NMU: variants seen among roughly 807,000 people sequenced by gnomAD.
NMU encodes neuromedin U, also known as neuromedin-U.
In NMU, 29 loss-of-function variants were observed where a neutral mutation model predicts 35.4. The ratio of observed to expected loss-of-function variants is 0.82; its 90% CI spans 0.61 to 1.12. The LOEUF is 1.12. Among genes scored for constraint, NMU ranks in the 50% most tolerant of loss-of-function variants. NMU has a pLI of 0.00. For synonymous variants in NMU, 78 were observed against 81.3 expected (o/e 0.96, Z 0.22); for missense variants, 199 against 206.2 (o/e 0.97, Z 0.21).
At chr4:55,622,107 C>A (rs1734373101) in intron 2 of NMU, among the ~76,000 whole-genome samples, 1 of 83,360 alleles carries the variant, frequency 1.2e-5, no homozygotes. Flanking sequence ...ATTAAAAGAA[C>A]TAGAAAAGCA....
chr4:55,605,222 A>G lies in NMU; in HGVS notation c.435+53T>C. On this transcript the variant is annotated intron_variant, in intron 7 of 9. Coordinates refer to ENST00000264218, the MANE Select transcript of NMU (RefSeq NM_006681.4). The stretch of plus-strand genomic sequence containing the variant: ...ACTACCACAGCTGGGAATTAACAGA[A>G]AGGGCTGCCCCACACGGAATGGCAA... 4 of 1,208,014 alleles carry G rather than the reference A, an allele frequency of 3.3e-6. No homozygotes were observed. The South Asian group carries it at 4.8e-5, about 15-fold the overall frequency. The allele number at this position is 1,208,014 out of a possible 1,614,324, so 74.8% of individuals were successfully genotyped here.
intron 7 of NMU, among the ~76,000 whole-genome samples, chr4:55,602,559 G>A (rs959731169): frequency 6.6e-6 from 1 of 152,156 alleles, no homozygotes; most frequent in African/African-American, 2.4e-5. Context: ...CTGAAATAAT[G>A]TAGTCACACT....
chr4:55,602,027 T>A (rs577678082), intron 7 of NMU, among the ~76,000 whole-genome samples: 4 of 151,950 alleles, frequency 2.6e-5, no homozygotes, highest in South Asian at 2.1e-4. Context: ...AATAAAAAAA[T>A]TCAAATGCAT....
intron 2 of NMU, among the ~76,000 whole-genome samples, chr4:55,629,340 G>C (rs1432764565): frequency 6.6e-6 from 1 of 151,830 alleles, no homozygotes; most frequent in Non-Finnish European, 1.5e-5. Context: ...GGCTGAAGTG[G>C]TCGGGTGCGG....
intron 2 of NMU, among the ~76,000 whole-genome samples, chr4:55,627,322 G>GTTCA (rs1485144938): frequency 6.6e-6 from 1 of 150,786 alleles, no homozygotes; most frequent in East Asian, 1.9e-4. Flanking sequence ...ACGAGTAGCT[G>GTTCA]TTCATATTTA....
intron 9 of NMU, among the ~76,000 whole-genome samples, chr4:55,597,528 C>G (rs1250280347): frequency 6.6e-6 from 1 of 152,060 alleles, no homozygotes; most frequent in Non-Finnish European, 1.5e-5. Flanking sequence ...ACCACCACAC[C>G]AGGCTAATTT....
chr4:55,607,729 CTAAA>C (rs1733749818), intron 4 of NMU, among the ~76,000 whole-genome samples: 1 of 152,066 alleles, frequency 6.6e-6, no homozygotes, highest in South Asian at 2.1e-4. Flanking sequence ...TGGAAACATC[CTAAA>C]TATTCAACAG....
At chr4:55,633,937 T>C (rs1362697819) in intron 1 of NMU, among the ~76,000 whole-genome samples, 3 of 152,256 alleles carry the variant, frequency 2.0e-5, no homozygotes, top group African/African-American at 7.2e-5. Context: ...TTTCCTTCTT[T>C]ATTTTACTAG....
rs1196516725 is a variant in NMU, at chr4:55,604,678, A to AAT, written c.435+595_435+596dup. 1.6e-3 allele frequency among the ~76,000 whole-genome samples: 32 copies of AAT among 19,926 alleles called. 1 individual carries two copies. Among genetic ancestry groups the AAT allele is most frequent in the African/African-American group, 3.6e-3 (32 of 8,950 alleles). The allele number at this position is 19,926 out of a possible 152,430, so 13.1% of individuals were successfully genotyped here. On this transcript the variant is annotated intron_variant, in intron 7 of 9. Transcript: ENST00000264218. ...CAGGCATGCGCCAATATGCCTGGCT[A>AAT]ATTTTTTTTTTTTTTTTTTTTTTTT...
intron 3 of NMU, among the ~76,000 whole-genome samples, chr4:55,613,848 C>G (rs532543478): frequency 6.6e-6 from 1 of 152,268 alleles, no homozygotes; most frequent in South Asian, 2.1e-4. Flanking sequence ...ACCCGGTTGC[C>G]TCCACCACCC....
At chr4:55,603,729 G>A (rs536795809) in intron 7 of NMU, among the ~76,000 whole-genome samples, 54 of 151,304 alleles carry the variant, frequency 3.6e-4, no homozygotes, top group Non-Finnish European at 7.4e-4. Context: ...TGGCTTACAC[G>A]GTGAAACTCC....
intron 7 of NMU, among the ~76,000 whole-genome samples, chr4:55,603,201 G>A (rs769856421): frequency 2.6e-5 from 4 of 151,772 alleles, no homozygotes; most frequent in South Asian, 2.1e-4. Flanking sequence ...TAGTAGAGAC[G>A]GGATTTCATC....
chr4:55,635,221 C>T (rs1423699559), intron 1 of NMU, among the ~76,000 whole-genome samples: 1 of 152,162 alleles, frequency 6.6e-6, no homozygotes, highest in Non-Finnish European at 1.5e-5. Context: ...AAGGCACCTG[C>T]AAACGTAAGC....
At chr4:55,615,242 A>G (rs1450036783) in intron 3 of NMU, among the ~76,000 whole-genome samples, 1 of 152,180 alleles carries the variant, frequency 6.6e-6, no homozygotes, top group Non-Finnish European at 1.5e-5. Flanking sequence ...ATTCTTTTCT[A>G]TTGAAGAGGA....
chr4:55,600,737 T>A (rs748530574), intron 7 of NMU, among the ~76,000 whole-genome samples, 162 bp from the exon 8 acceptor site: 1 of 152,038 alleles, frequency 6.6e-6, no homozygotes, highest in Non-Finnish European at 1.5e-5. Context: ...TACCTGAAAA[T>A]TTTCAACAAC....
intron 2 of NMU, among the ~76,000 whole-genome samples, chr4:55,626,703 G>A (rs991944876): frequency 6.6e-6 from 1 of 152,172 alleles, no homozygotes; most frequent in Non-Finnish European, 1.5e-5. Context: ...GCGAGACCCT[G>A]TCTCAAAAAC....
chr4:55,600,469 T>C, intron 8 of NMU, 53 bp downstream of exon 8: 2 of 1,161,448 alleles, frequency 1.7e-6, no homozygotes, highest in Non-Finnish European at 2.6e-6. Flanking sequence ...ACAGGGAACA[T>C]ATTTTTAAAT....
rs778404262 is a variant in NMU, at chr4:55,636,037, A to G, written c.112+44T>C. 2.0e-6 allele frequency: 3 copies of G among 1,532,466 alleles called. No individual in the cohort carries two copies. The highest frequency in any genetic ancestry group is 2.6e-6 in the Non-Finnish European group (3 of 1,146,000). The allele number at this position is 1,532,466 out of a possible 1,614,324, so 94.9% of individuals were successfully genotyped here. A position where few individuals can be genotyped will look rare whatever the true frequency, so the allele number is the denominator to read the frequency against. On this transcript the variant is annotated intron_variant, in intron 1 of 9. Coordinates refer to ENST00000264218, the MANE Select transcript of NMU (RefSeq NM_006681.4). This position sits in a 1 kb window ranked among gnomAD's most constrained non-coding sequence, Gnocchi z 4.0. ...GAGAGCGGTGAGTGGAGCCAGAGAG[A>G]GGCGCGCATGGCGTGGAAGCGGCCG... is the stretch of plus-strand genomic sequence containing the variant.
chr4:55,616,247 C>T (rs904352840), intron 3 of NMU, 91 bp downstream of exon 3: 10 of 874,670 alleles, frequency 1.1e-5, no homozygotes, highest in Admixed American at 3.5e-5. Context: ...CATGTTTTCA[C>T]GAACACATAA....
Sources: gnomAD v4.1 joint callset for allele counts (sites outside exome capture counted in the v4.1 genomes callset) on GRCh38, gnomAD v4.1.1 for gene constraint, Gnocchi (gnomAD v3.1) non-coding constraint, MANE v1.5 for transcripts, NCBI Gene and HGNC (gene_info 2026-07-23, HGNC 2026-07-21) for gene names.